The following DNAH3 variants were observed in gnomAD, a reference collection of about 807,000 sequenced individuals.
DNAH3 encodes the protein axonemal beta dynein heavy chain 3.
A neutral mutation model predicts 432.5 loss-of-function variants in DNAH3; 332 were observed. The observed-to-expected ratio is 0.77, with a 90% CI of 0.70 to 0.84. The LOEUF is 0.84. Among genes scored for constraint, DNAH3 ranks in the 40% least tolerant of loss-of-function variants. The probability of loss-of-function intolerance (pLI) is 0.00; values close to 1 mark genes in which losing one functional copy is unlikely to be tolerated. For synonymous variants in DNAH3, 1,956 were observed against 1,900.2 expected (o/e 1.03, Z -0.76); for missense variants, 4,861 against 5,114.0 (o/e 0.95, Z 1.51).
exon 48 of DNAH3, chr16:20,985,253 T>C: frequency 6.2e-7 from 1 of 1,614,142 alleles, no homozygotes; most frequent in Non-Finnish European, 8.5e-7. Context: ...GATTCATCCT[T>C]GATCTGGTTG....
chr16:21,133,300 T>C (rs2092595108), intron 7 of DNAH3, among the ~76,000 whole-genome samples: 1 of 147,020 alleles, frequency 6.8e-6, no homozygotes, highest in East Asian at 2.0e-4. Flanking sequence ...GAGGAGGAGG[T>C]TGCAGTGAAT....
intron 18 of DNAH3, among the ~76,000 whole-genome samples, chr16:21,095,352 C>T (rs2091645873): frequency 6.6e-6 from 1 of 152,184 alleles, no homozygotes. Context: ...GAATGGGATA[C>T]TACTCGCAAT....
intron 41 of DNAH3, among the ~76,000 whole-genome samples, chr16:21,007,207 A>G (rs1251507302): frequency 1.4e-5 from 2 of 147,490 alleles, no homozygotes; most frequent in African/African-American, 5.0e-5. Context: ...GGCCATTTGT[A>G]TATCCTTTTT....
At chr16:21,003,567 G>T (rs185052722) in intron 41 of DNAH3, among the ~76,000 whole-genome samples, 1 of 152,306 alleles carries the variant, frequency 6.6e-6, no homozygotes, top group African/African-American at 2.4e-5. Context: ...GAAGTCAGGG[G>T]TTCGAGACCA....
chr16:20,938,828 G>C (rs935303165), intron 59 of DNAH3, among the ~76,000 whole-genome samples: 5 of 152,058 alleles, frequency 3.3e-5, no homozygotes, highest in Admixed American at 2.0e-4. Context: ...CCAGGCTGAA[G>C]TGCAGTGGCA....
intron 57 of DNAH3, among the ~76,000 whole-genome samples, 169 bp from the exon 58 acceptor site, chr16:20,944,832 C>G (rs1266094148): frequency 6.6e-6 from 1 of 152,016 alleles, no homozygotes; most frequent in Non-Finnish European, 1.5e-5. Flanking sequence ...AGCCCTCCCT[C>G]ATACAGTTTT....
rs565654302 is a variant in DNAH3 at position 21,105,953 on chromosome 16, G to A, written c.2284+537C>T. 1.9e-4 allele frequency among the ~76,000 whole-genome samples: 28 copies of A among 151,290 alleles called. No homozygotes were observed. The South Asian group carries it at 4.8e-3, about 26-fold the overall frequency. On this transcript the variant is annotated intron_variant, in intron 15 of 61. Coordinates refer to ENST00000261383, the Ensembl canonical transcript of DNAH3. ...ATCCCAGCACTTGGGAGGCTGAGGC[G>A]GGCGGATCATGAGGTCAAGAGATAG...
chr16:20,966,192 C>T (rs2085056653), intron 52 of DNAH3, among the ~76,000 whole-genome samples: 1 of 151,284 alleles, frequency 6.6e-6, no homozygotes, highest in East Asian at 1.9e-4. Context: ...CACCCACCAC[C>T]ACACCCGGCT....
intron 1 of DNAH3, among the ~76,000 whole-genome samples, chr16:21,147,436 G>A (rs957174345): frequency 1.3e-5 from 2 of 152,014 alleles, no homozygotes; most frequent in Non-Finnish European, 2.9e-5. Flanking sequence ...GGCTGGTCTT[G>A]AACTCCTGAC....
At chr16:21,072,014 T>TA (rs1263601003) in intron 21 of DNAH3, among the ~76,000 whole-genome samples, 3 of 152,150 alleles carry the variant, frequency 2.0e-5, no homozygotes, top group African/African-American at 7.2e-5. Context: ...AAAAATAAAA[T>TA]ACAGCTATTA....
At chr16:21,139,320 CTTTTTTTTTTTTT>C (rs9302391) in intron 5 of DNAH3, among the ~76,000 whole-genome samples, 2 of 29,614 alleles carry the variant, frequency 6.8e-5, no homozygotes, top group African/African-American at 3.3e-4. Flanking sequence ...TTTCCTCATG[CTTTTTTTTTTTTT>C]TTTTTTTTTT....
At chr16:20,949,203 G>A (rs1230643787) in intron 56 of DNAH3, among the ~76,000 whole-genome samples, 1 of 148,962 alleles carries the variant, frequency 6.7e-6, no homozygotes, top group Non-Finnish European at 1.5e-5. Flanking sequence ...TGAGCTGTCT[G>A]GACCGCAGAG....
At chr16:21,020,006 A>C (rs1001721407) in intron 40 of DNAH3, 137 bp from the exon 41 acceptor site, 3 of 921,310 alleles carry the variant, frequency 3.3e-6, no homozygotes, top group Non-Finnish European at 4.9e-6. Context: ...ATCACCTACC[A>C]GATCATTTCA....
At chr16:20,964,463 T>C (rs139913660) in exon 53 of DNAH3, 263 of 1,614,088 alleles carry the variant, frequency 1.6e-4, no homozygotes, top group Non-Finnish European at 2.1e-4. Flanking sequence ...TTGAGCAAGA[T>C]AGGTTCGATA....
chr16:21,062,829 C>A, intron 24 of DNAH3, 146 bp from the exon 25 acceptor site: 1 of 637,066 alleles, frequency 1.6e-6, no homozygotes. Context: ...TCTTTTATCA[C>A]TTTTCATCTG....
chr16:21,046,710 C>T (rs1298423660), intron 31 of DNAH3, among the ~76,000 whole-genome samples: 3 of 151,496 alleles, frequency 2.0e-5, no homozygotes, highest in Non-Finnish European at 4.4e-5. Context: ...GAATTTGATC[C>T]TGTCATGATG....
Position 21,037,806 on chromosome 16 carries a change from A to T in DNAH3, c.4905T>A (p.Asp1635Glu), listed in dbSNP as rs1201956116. 3 of 1,614,188 alleles carry T rather than the reference A, an allele frequency of 1.9e-6. No homozygotes were observed. The Admixed American group carries it at 5.0e-5, about 27-fold the overall frequency. The change falls in exon 34 of 62, where the codon GAT becomes GAA. Residue 1635 changes from aspartate (D) to glutamate (E), a missense_variant. Transcript: ENST00000261383. ...GCGCTAAGAACTTGGCCAGATTGAC[A>T]TCAAGCAATGCCCGGAGCAGCAGGA...
rs575700614 is a variant in DNAH3, at chr16:20,971,218, G to C, written c.8260-1228C>G. Among the ~76,000 whole-genome samples the C allele has an allele frequency of 3.3e-5, 5 of 151,774 alleles. No individual in the cohort carries two copies. In the South Asian group the frequency reaches 8.3e-4, roughly 25 times the overall value. On this transcript the variant is annotated intron_variant, in intron 51 of 61. Coordinates refer to ENST00000261383, the Ensembl canonical transcript of DNAH3. Reference sequence around the variant, plus strand: ...CTTTTTTTTTTTCTTTTTTGGTAAAGAGCAGGGAACTAACTTTGTCTCCAT... The same window carrying C: ...CTTTTTTTTTTTCTTTTTTGGTAAACAGCAGGGAACTAACTTTGTCTCCAT...
chr16:21,071,774 C>G (rs1470256611), intron 21 of DNAH3, among the ~76,000 whole-genome samples: 1 of 151,996 alleles, frequency 6.6e-6, no homozygotes, highest in Non-Finnish European at 1.5e-5. Context: ...TTGCAGAAGT[C>G]AAATACAGTC....
Sources: allele counts gnomAD v4.1 joint callset (sites outside exome capture counted in the v4.1 genomes callset), GRCh38; gene constraint gnomAD v4.1.1; transcripts MANE v1.5; gene names NCBI Gene and HGNC (gene_info 2026-07-23, HGNC 2026-07-21).